The following MB21D2 variants were observed in gnomAD, a reference collection of about 807,000 sequenced individuals.
The protein encoded by MB21D2 is nucleotidyltransferase MB21D2.
Under a neutral mutation model 33.3 loss-of-function variants are expected in MB21D2, and 9 were observed. The observed-to-expected ratio is 0.27, with a 90% CI of 0.16 to 0.47. The LOEUF is 0.47. MB21D2 is among the 20% of genes least tolerant of loss of function. The pLI is 0.99. For missense variants in MB21D2, 540 were observed against 624.6 expected, an observed-to-expected ratio of 0.86 and a Z score of 1.44; for synonymous variants, 241 against 236.3, an observed-to-expected ratio of 1.02 and a Z score of -0.18.
At chr3:192,886,049 C>T (rs1713725425) in intron 1 of MB21D2, among the ~76,000 whole-genome samples, 1 of 152,080 alleles carries the variant, frequency 6.6e-6, no homozygotes, top group Non-Finnish European at 1.5e-5. Context: ...CAACCTCCGC[C>T]TCCCGGGTTC....
intron 1 of MB21D2, among the ~76,000 whole-genome samples, chr3:192,869,809 A>G (rs899400652): frequency 6.6e-6 from 1 of 152,218 alleles, no homozygotes; most frequent in Non-Finnish European, 1.5e-5. Flanking sequence ...ATTATCAATA[A>G]TGAAAAACAT....
chr3:192,813,918 C>T (rs1711850025), intron 1 of MB21D2, among the ~76,000 whole-genome samples: 1 of 152,144 alleles, frequency 6.6e-6, no homozygotes, highest in Admixed American at 6.5e-5. Flanking sequence ...TTACCTATGC[C>T]AGCAAAATAA....
chr3:192,821,152 G>A (rs1712044163), intron 1 of MB21D2, among the ~76,000 whole-genome samples: 1 of 152,004 alleles, frequency 6.6e-6, no homozygotes, highest in East Asian at 1.9e-4. Context: ...CCACCACCTG[G>A]GCTCTTAATA....
chr3:192,881,346 G>C (rs1187930728), intron 1 of MB21D2, among the ~76,000 whole-genome samples: 1 of 152,036 alleles, frequency 6.6e-6, no homozygotes, highest in African/African-American at 2.4e-5. Flanking sequence ...ATGACTGACT[G>C]GTTGCTCTGT....
At chr3:192,898,966 G>T (rs1714035834) in intron 1 of MB21D2, among the ~76,000 whole-genome samples, 2 of 152,234 alleles carry the variant, frequency 1.3e-5, no homozygotes, top group African/African-American at 4.8e-5. Context: ...AGAACTGAAA[G>T]GCCAACGTGG....
At chr3:192,899,912 C>G (rs1714056819) in intron 1 of MB21D2, among the ~76,000 whole-genome samples, 1 of 152,012 alleles carries the variant, frequency 6.6e-6, no homozygotes, top group Non-Finnish European at 1.5e-5. Flanking sequence ...TTTGAGTCAT[C>G]CAAGTAGAAT....
intron 1 of MB21D2, among the ~76,000 whole-genome samples, chr3:192,900,402 T>C (rs11720554): frequency 0.54 from 80,165 of 149,744 alleles, 21,375 homozygotes; most frequent in Admixed American, 0.55. Context: ...AAGGAGAAAA[T>C]CAAAAAGAAT....
chr3:192,900,304 A>G, intron 1 of MB21D2, among the ~76,000 whole-genome samples: 1 of 143,068 alleles, frequency 7.0e-6, no homozygotes, highest in African/African-American at 2.9e-5. Flanking sequence ...AAAAAAAAAA[A>G]AAAATCACAG....
intron 1 of MB21D2, among the ~76,000 whole-genome samples, chr3:192,853,702 G>A (rs977757951): frequency 6.6e-6 from 1 of 151,908 alleles, no homozygotes; most frequent in Non-Finnish European, 1.5e-5. Context: ...TTGTTTGATG[G>A]TGCATTGCTT....
At chr3:192,806,520 C>G (rs142961333) in intron 1 of MB21D2, among the ~76,000 whole-genome samples, 1 of 152,306 alleles carries the variant, frequency 6.6e-6, no homozygotes, top group African/African-American at 2.4e-5. Flanking sequence ...CAGTAACTCA[C>G]GAAAAGGCGT....
intron 1 of MB21D2, among the ~76,000 whole-genome samples, chr3:192,900,531 G>C (rs6771586): frequency 0.6 from 90,756 of 151,708 alleles, 27,459 homozygotes; most frequent in African/African-American, 0.61. Flanking sequence ...TGGTTTTTTC[G>C]TTTAGGGTAT....
At chr3:192,850,849 A>T (rs1228281498) in intron 1 of MB21D2, among the ~76,000 whole-genome samples, 1 of 152,210 alleles carries the variant, frequency 6.6e-6, no homozygotes, top group Admixed American at 6.5e-5. Context: ...ACAGTCATTT[A>T]AGACCTTTGT....
chr3:192,871,648 G>C (rs935174024), intron 1 of MB21D2, among the ~76,000 whole-genome samples: 20 of 152,198 alleles, frequency 1.3e-4, no homozygotes, highest in African/African-American at 4.6e-4. Context: ...AGAGTGGTCA[G>C]GATAAAGGGC....
chr3:192,880,309 C>T (rs781303379), intron 1 of MB21D2, among the ~76,000 whole-genome samples: 5 of 151,764 alleles, frequency 3.3e-5, no homozygotes, highest in Non-Finnish European at 5.9e-5. Flanking sequence ...ATTGCACCAC[C>T]GCACTCCAGC....
At chr3:192,857,980 C>A (rs1712955181) in intron 1 of MB21D2, among the ~76,000 whole-genome samples, 1 of 152,054 alleles carries the variant, frequency 6.6e-6, no homozygotes, top group African/African-American at 2.4e-5. Flanking sequence ...CAAAAATTAG[C>A]CGGGCATGGT....
intron 1 of MB21D2, among the ~76,000 whole-genome samples, chr3:192,863,495 G>GT (rs777230023): frequency 3.9e-5 from 6 of 152,046 alleles, no homozygotes; most frequent in Non-Finnish European, 7.4e-5. Flanking sequence ...TGTAAGTTTA[G>GT]TTTTTTTTCT....
intron 1 of MB21D2, among the ~76,000 whole-genome samples, chr3:192,801,645 T>TTC (rs1261527444): frequency 6.6e-6 from 1 of 152,184 alleles, no homozygotes; most frequent in East Asian, 1.9e-4. Flanking sequence ...GACAGCCATC[T>TTC]ATGAACCAGG....
chr3:192,896,515 A>G (rs1323814544), intron 1 of MB21D2, among the ~76,000 whole-genome samples: 2 of 151,914 alleles, frequency 1.3e-5, no homozygotes, highest in East Asian at 3.9e-4. Flanking sequence ...ACCACACCCA[A>G]CTTTCCTTCA....
intron 1 of MB21D2, among the ~76,000 whole-genome samples, chr3:192,896,037 C>T (rs148294260): frequency 1.3e-5 from 2 of 152,240 alleles, no homozygotes; most frequent in East Asian, 3.9e-4. Flanking sequence ...TCCACAAAAA[C>T]GTGGAAGAGA....
Sources: allele counts gnomAD v4.1 joint callset (sites outside exome capture counted in the v4.1 genomes callset), GRCh38; gene constraint gnomAD v4.1.1; transcripts MANE v1.5; gene names NCBI Gene and HGNC (gene_info 2026-07-23, HGNC 2026-07-21).